ZC3H12B: variants seen among roughly 807,000 people sequenced by gnomAD.
The protein encoded by ZC3H12B is probable ribonuclease ZC3H12B.
Under a neutral mutation model 43.9 loss-of-function variants are expected in ZC3H12B, and 7 were observed. That is an observed-to-expected ratio of 0.16 (90% CI 0.09 to 0.30). ZC3H12B has a LOEUF of 0.30. Ranked by LOEUF, ZC3H12B falls within the 10% of genes least tolerant of loss-of-function variation. ZC3H12B has a pLI of 1.00. For synonymous variants in ZC3H12B, 222 were observed against 241.7 expected (o/e 0.92, Z 0.76); for missense variants, 475 against 670.2 (o/e 0.71, Z 3.22).
chrX:65,346,522 C>T, the ZC3H12B span, among the ~76,000 whole-genome samples: 1 of 111,472 alleles, frequency 9.0e-6, no homozygotes, highest in African/African-American at 3.3e-5. Flanking sequence ...TATAAAAATC[C>T]TAGAAAAAAA....
At chrX:65,493,772 G>T (rs2068239220) in intron 1 of ZC3H12B, among the ~76,000 whole-genome samples, 1 of 111,603 alleles carries the variant, frequency 9.0e-6, no homozygotes, top group Non-Finnish European at 1.9e-5. Context: ...GTGACTTGCA[G>T]GTCCTAGGGT....
chrX:65,118,709 G>T, the ZC3H12B span, among the ~76,000 whole-genome samples: 1 of 109,121 alleles, frequency 9.2e-6, no homozygotes, highest in Admixed American at 9.8e-5. Context: ...CTGCAGGTTT[G>T]TTACATATGT....
At chrX:65,364,600 G>A (rs2066149257), upstream of ZC3H12B, among the ~76,000 whole-genome samples, 1 of 90,522 alleles carries the variant, frequency 1.1e-5, no homozygotes, top group Non-Finnish European at 1.9e-5. Flanking sequence ...CACACACAAG[G>A]CAAATGGTTC....
At chrX:65,492,093 G>A (rs932498682) in intron 1 of ZC3H12B, among the ~76,000 whole-genome samples, 2 of 109,921 alleles carry the variant, frequency 1.8e-5, no homozygotes, top group South Asian at 7.7e-4. Context: ...GAACACCCTA[G>A]ATCGGACCTG....
chrX:65,119,087 G>C, the ZC3H12B span, among the ~76,000 whole-genome samples: 1 of 111,089 alleles, frequency 9.0e-6, no homozygotes, highest in Admixed American at 9.6e-5. Flanking sequence ...CTTTGCTATT[G>C]TGAATAGTGC....
Position 65,503,035 on chromosome X carries a change from G to A in ZC3H12B, c.2337G>A (p.Met779Ile), listed in dbSNP as rs190441107. 287 of 1,209,280 alleles carry A rather than the reference G, an allele frequency of 2.4e-4. No individual in the cohort carries two copies. Among genetic ancestry groups the A allele is most frequent in the Non-Finnish European group, 3.0e-4 (272 of 895,104 alleles). ...TTTGGAGGAATCCTTGGGTTGGAAT[G>A]TGCAATGATTCCAGGGAGCATATGA... is the stretch of plus-strand genomic sequence containing the variant. The change falls in exon 5 of 5, where the codon ATG becomes ATA. Residue 779 changes from methionine to isoleucine, a missense_variant. Around this residue, in one of 3 missense-constraint regions of ZC3H12B, gnomAD observed 289 missense variants for 359.9 expected, o/e 0.80. Coordinates refer to ENST00000338957, the Ensembl canonical transcript of ZC3H12B.
intron 3 of ZC3H12B, among the ~76,000 whole-genome samples, chrX:65,459,318 A>G (rs1219940296): frequency 1.8e-5 from 2 of 112,060 alleles, no homozygotes; most frequent in Non-Finnish European, 3.8e-5. Flanking sequence ...AACTACTCCA[A>G]TCAATAGAAA....
the ZC3H12B span, among the ~76,000 whole-genome samples, chrX:65,101,893 A>G: frequency 2.7e-5 from 3 of 112,469 alleles, no homozygotes; most frequent in Non-Finnish European, 5.6e-5. Context: ...TGAGGCCAGC[A>G]TCATCCTGAT....
chrX:65,500,919 C>T (rs1438099868), intron 4 of ZC3H12B, among the ~76,000 whole-genome samples: 1 of 110,449 alleles, frequency 9.1e-6, no homozygotes, highest in Non-Finnish European at 1.9e-5. Flanking sequence ...TGGTTTTTGT[C>T]CTCAATTAAT....
At chrX:65,251,884 G>C in the ZC3H12B span, among the ~76,000 whole-genome samples, 4 of 111,481 alleles carry the variant, frequency 3.6e-5, no homozygotes, top group Non-Finnish European at 7.5e-5. Context: ...TCTGCAAACA[G>C]GGACAATTTG....
At chrX:65,386,740 G>A (rs1466277750) in intron 2 of ZC3H12B, among the ~76,000 whole-genome samples, 1 of 110,786 alleles carries the variant, frequency 9.0e-6, no homozygotes, top group Non-Finnish European at 1.9e-5. Context: ...GTGATATTAG[G>A]GTGTCAATTT....
the ZC3H12B span, among the ~76,000 whole-genome samples, chrX:65,194,531 C>T: frequency 8.9e-6 from 1 of 111,884 alleles, no homozygotes; most frequent in African/African-American, 3.2e-5. Context: ...TTTGTGGTCA[C>T]ATAAGATAGT....
the ZC3H12B span, among the ~76,000 whole-genome samples, chrX:65,170,053 T>G: frequency 3.6e-5 from 4 of 112,051 alleles, no homozygotes; most frequent in African/African-American, 1.3e-4. Context: ...AATATTGTTA[T>G]GTGTGAATTT....
At chrX:65,212,420 T>C in the ZC3H12B span, among the ~76,000 whole-genome samples, 3 of 59,573 alleles carry the variant, frequency 5.0e-5, no homozygotes, top group African/African-American at 2.4e-4. Context: ...ATTATATATG[T>C]AATATAATTA....
At chrX:65,502,127 C>A (rs1464627734) in exon 5 of ZC3H12B, 5 of 1,209,823 alleles carry the variant, frequency 4.1e-6, no homozygotes, top group Non-Finnish European at 5.6e-6. Flanking sequence ...AATCCCACCC[C>A]CCAAAAGCCA....
chrX:65,343,533 C>G, the ZC3H12B span, among the ~76,000 whole-genome samples: 10 of 112,016 alleles, frequency 8.9e-5, no homozygotes, highest in East Asian at 5.6e-4. Context: ...ACACACAAAT[C>G]AAGAAATGTG....
the ZC3H12B span, among the ~76,000 whole-genome samples, chrX:65,143,425 C>G: frequency 9.1e-6 from 1 of 110,379 alleles, no homozygotes; most frequent in Non-Finnish European, 1.9e-5. Flanking sequence ...TTTGTCAAAC[C>G]CTTTTTCTGC....
the ZC3H12B span, among the ~76,000 whole-genome samples, chrX:65,036,686 G>T: frequency 9.2e-6 from 1 of 108,829 alleles, no homozygotes; most frequent in South Asian, 3.8e-4. Context: ...CATGCTTCTA[G>T]TTGCTAGATT....
the ZC3H12B span, among the ~76,000 whole-genome samples, chrX:65,061,165 A>G: frequency 9.1e-6 from 1 of 110,055 alleles, no homozygotes; most frequent in Non-Finnish European, 1.9e-5. Flanking sequence ...TTTTTTTATT[A>G]TACTTTAAGT....
Sources: gnomAD v4.1 joint callset for allele counts (sites outside exome capture counted in the v4.1 genomes callset) on GRCh38, gnomAD v4.1.1 for gene constraint, gnomAD v4.1.1 regional missense constraint, MANE v1.5 for transcripts, NCBI Gene and HGNC (gene_info 2026-07-23, HGNC 2026-07-21) for gene names.